The following AMMECR1 variants were observed in gnomAD, a reference collection of about 807,000 sequenced individuals.
AMMECR1 encodes nuclear protein AMMECR1.
AMMECR1 carries 3 observed loss-of-function variants against 22.5 expected under a neutral mutation model. The observed-to-expected ratio is 0.13, with a 90% CI of 0.06 to 0.35. The LOEUF is 0.35. Among genes scored for constraint, AMMECR1 ranks in the 10% least tolerant of loss-of-function variants. AMMECR1 has a pLI of 1.00. For synonymous variants in AMMECR1, 130 were observed against 116.7 expected, an observed-to-expected ratio of 1.11 and a Z score of -0.74; for missense variants, 235 against 278.7, an observed-to-expected ratio of 0.84 and a Z score of 1.12.
intron 2 of AMMECR1, among the ~76,000 whole-genome samples, chrX:110,369,063 T>C (rs2068318213): frequency 8.9e-6 from 1 of 112,388 alleles, no homozygotes; most frequent in Non-Finnish European, 1.9e-5. Context: ...CTGTGTGCGG[T>C]GGCTCACGCC....
chrX:110,348,938 C>T (rs1238140503), intron 2 of AMMECR1, among the ~76,000 whole-genome samples: 1 of 112,160 alleles, frequency 8.9e-6, no homozygotes, highest in Non-Finnish European at 1.9e-5. Flanking sequence ...GTATATATTA[C>T]TTTTAAAAAA....
intron 1 of AMMECR1, among the ~76,000 whole-genome samples, chrX:110,294,339 T>C (rs1301903061): frequency 1.8e-5 from 2 of 112,010 alleles, no homozygotes; most frequent in Non-Finnish European, 3.8e-5. Context: ...CTGAAACATT[T>C]CTAAAAAACT....
intron 1 of AMMECR1, among the ~76,000 whole-genome samples, chrX:110,285,136 T>C (rs1020946597): frequency 4.5e-5 from 5 of 112,213 alleles, no homozygotes; most frequent in African/African-American, 1.6e-4. Context: ...TTCATTATTA[T>C]ATCCACAGTG....
At chrX:110,406,325 C>T (rs1431946362) in intron 2 of AMMECR1, among the ~76,000 whole-genome samples, 1 of 105,435 alleles carries the variant, frequency 9.5e-6, no homozygotes, top group African/African-American at 3.5e-5. Context: ...TCTCATTGTT[C>T]AACTCCCACT....
chrX:110,418,321 G>C (rs1244044969), intron 2 of AMMECR1, among the ~76,000 whole-genome samples: 1 of 112,235 alleles, frequency 8.9e-6, no homozygotes, highest in African/African-American at 3.2e-5. Flanking sequence ...TGCAACCCAT[G>C]AGCAAACACA....
chrX:110,210,711 T>G (rs968758707), intron 3 of AMMECR1, among the ~76,000 whole-genome samples: 1 of 112,382 alleles, frequency 8.9e-6, no homozygotes, highest in Non-Finnish European at 1.9e-5. Flanking sequence ...TATTATTAAC[T>G]GCAACTGAAC....
chrX:110,333,205 T>C (rs925000810), intron 2 of AMMECR1, among the ~76,000 whole-genome samples: 1 of 111,439 alleles, frequency 9.0e-6, no homozygotes, highest in Non-Finnish European at 1.9e-5. Context: ...ATGAGGGAGA[T>C]TGAATTTTTA....
chrX:110,310,895 C>T (rs1359274035), intron 1 of AMMECR1, among the ~76,000 whole-genome samples: 2 of 111,891 alleles, frequency 1.8e-5, no homozygotes, highest in African/African-American at 6.5e-5. Flanking sequence ...AGACTCTTCT[C>T]CCAATTCATC....
intron 1 of AMMECR1, among the ~76,000 whole-genome samples, chrX:110,314,458 C>T (rs2068038662): frequency 9.0e-6 from 1 of 111,506 alleles, no homozygotes; most frequent in Non-Finnish European, 1.9e-5. Flanking sequence ...CAGGCCCCAT[C>T]CAAGACCCCA....
chrX:110,403,608 T>G (rs1399615739), intron 2 of AMMECR1, among the ~76,000 whole-genome samples: 2 of 111,817 alleles, frequency 1.8e-5, no homozygotes. Context: ...TCTTGGTGCT[T>G]GGCCAGACTC....
chrX:110,199,255 T>C (rs747749297), intron 5 of AMMECR1, among the ~76,000 whole-genome samples: 1 of 111,105 alleles, frequency 9.0e-6, no homozygotes, highest in Non-Finnish European at 1.9e-5. Context: ...GATCTTTCCA[T>C]TTGCCCATCA....
At chrX:110,310,044 G>T (rs2068016621) in intron 1 of AMMECR1, among the ~76,000 whole-genome samples, 1 of 112,574 alleles carries the variant, frequency 8.9e-6, no homozygotes, top group African/African-American at 3.2e-5. Context: ...GCAGTACAAA[G>T]CTGAAAACTA....
intron 2 of AMMECR1, among the ~76,000 whole-genome samples, chrX:110,354,412 C>A (rs754024321): frequency 1.8e-5 from 2 of 111,885 alleles, no homozygotes; most frequent in East Asian, 5.5e-4. Flanking sequence ...GAACTCTTTA[C>A]ATAGCATTTA....
At position 110,343,709 on chromosome X, in the gene AMMECR1, A is replaced by G. The variant is rs188128159; in HGVS notation, c.-147-25860T>C. ...TCTTACACACCAATAACAGACAAGC[A>G]GAAAGCCAAATCATGAGTGAACTCC... is the stretch of plus-strand genomic sequence containing the variant. On this transcript the variant is annotated intron_variant, in intron 2 of 7. Transcript: ENST00000372057. 3.6e-3 allele frequency among the ~76,000 whole-genome samples: 402 copies of G among 111,164 alleles called. 3 individuals carry two copies. The highest frequency in any genetic ancestry group is 0.013 in the African/African-American group (384 of 30,603).
At chrX:110,330,590 G>A (rs1375488256) in intron 2 of AMMECR1, among the ~76,000 whole-genome samples, 1 of 112,033 alleles carries the variant, frequency 8.9e-6, no homozygotes, top group Non-Finnish European at 1.9e-5. Flanking sequence ...CTTTGTTTCT[G>A]TACTGCACTT....
intron 2 of AMMECR1, among the ~76,000 whole-genome samples, chrX:110,255,732 CA>C (rs2067707554): frequency 9.0e-6 from 1 of 111,209 alleles, no homozygotes; most frequent in South Asian, 3.8e-4. Flanking sequence ...TTAGCATTTC[CA>C]TGTAGAAATA....
At chrX:110,293,727 T>C (rs1282768177) in intron 1 of AMMECR1, among the ~76,000 whole-genome samples, 1 of 111,896 alleles carries the variant, frequency 8.9e-6, no homozygotes, top group Non-Finnish European at 1.9e-5. Flanking sequence ...CTGAAAAATA[T>C]GTAGGCTTAT....
At chrX:110,265,782 T>G (rs767292935) in intron 1 of AMMECR1, among the ~76,000 whole-genome samples, 2 of 111,875 alleles carry the variant, frequency 1.8e-5, no homozygotes, top group Non-Finnish European at 3.8e-5. Context: ...CACTGGTGAG[T>G]TGGAGAACAT....
upstream of AMMECR1, among the ~76,000 whole-genome samples, chrX:110,318,633 G>A (rs1370180818): frequency 9.0e-6 from 1 of 111,055 alleles, no homozygotes; most frequent in Non-Finnish European, 1.9e-5. Context: ...CAAATACACG[G>A]GTTTCTGAAC....
Sources: gnomAD v4.1 joint callset for allele counts (sites outside exome capture counted in the v4.1 genomes callset) on GRCh38, gnomAD v4.1.1 for gene constraint, MANE v1.5 for transcripts, NCBI Gene and HGNC (gene_info 2026-07-23, HGNC 2026-07-21) for gene names.